The following FMNL1 variants were observed in gnomAD, a reference collection of about 807,000 sequenced individuals.
The protein encoded by FMNL1 is formin-like protein 1.
A neutral mutation model predicts 121.3 loss-of-function variants in FMNL1; 43 were observed. That is an observed-to-expected ratio of 0.35 (90% CI 0.28 to 0.46). FMNL1 has a LOEUF of 0.46. Ranked by LOEUF, FMNL1 falls within the 20% of genes least tolerant of loss-of-function variation. The pLI, the probability that FMNL1 is intolerant of heterozygous loss-of-function variation, is 1.00. For missense variants in FMNL1, 1,191 were observed against 1,482.4 expected, an observed-to-expected ratio of 0.80 and a Z score of 3.23; for synonymous variants, 613 against 613.5, an observed-to-expected ratio of 1.00 and a Z score of 0.01.
intron 1 of FMNL1, among the ~76,000 whole-genome samples, chr17:45,229,735 CT>C (rs1206621012): frequency 6.6e-5 from 10 of 152,304 alleles, no homozygotes; most frequent in Middle Eastern, 3.4e-3. Context: ...TGGCGCTAAC[CT>C]GCTCCGTGGT....
rs775532124 is a variant in FMNL1, at chr17:45,244,029, T to TGGGCGGAGCGGGCA, written c.2448+11_2448+24dup. 21 of 1,605,150 alleles carry TGGGCGGAGCGGGCA rather than the reference T, an allele frequency of 1.3e-5. No homozygotes were observed. Among genetic ancestry groups the TGGGCGGAGCGGGCA allele is most frequent in the Middle Eastern group, 3.3e-4 (2 of 6,054 alleles). ...CACAGCCCAGCTGCTCATGCCGGTGTGGGCGGAGCGGGCAGGGCGGTGTGA... is the reference window on the plus strand; with the variant it reads ...CACAGCCCAGCTGCTCATGCCGGTGTGGGCGGAGCGGGCAGGGCGGAGCGGGCAGGGCGGTGTGA... On this transcript the variant is annotated splice_donor_region_variant and intron_variant, in intron 18 of 26. Transcript: ENST00000331495.
chr17:45,244,080 A>G (rs2043772309), intron 18 of FMNL1, 55 bp downstream of exon 18: 1 of 1,600,036 alleles, frequency 6.2e-7, no homozygotes, highest in African/African-American at 1.3e-5. Flanking sequence ...GCAGGAGGCA[A>G]CTCCCAGCCT....
Position 45,244,875 on chromosome 17 carries a change from C to T in FMNL1, c.2574C>T (p.Gly858=), listed in dbSNP as rs573137751. The T allele has an allele frequency of 1.2e-6, 2 of 1,613,918 alleles. No individual in the cohort carries two copies. Among genetic ancestry groups the T allele is most frequent in the East Asian group, 4.5e-5 (2 of 44,890 alleles). ...MNSSKRGAAY[G]FRLQSLDALL... ...GTAGCAAGCGTGGGGCAGCCTATGG[C>T]TTCCGGCTCCAGAGCCTGGATGCGG... Residue 858 remains glycine (G), a synonymous_variant, in exon 20 of 27, where the codon GGC becomes GGT. Coordinates refer to ENST00000331495, the MANE Select transcript of FMNL1 (RefSeq NM_005892.4).
At chr17:45,223,791 G>A (rs1024128534) in intron 1 of FMNL1, among the ~76,000 whole-genome samples, 2 of 152,200 alleles carry the variant, frequency 1.3e-5, no homozygotes, top group African/African-American at 4.8e-5. Context: ...GTCTATGGTC[G>A]CGGGTGTGGG....
intron 6 of FMNL1, 107 bp downstream of exon 6, chr17:45,234,307 C>T: frequency 6.3e-7 from 1 of 1,577,682 alleles, no homozygotes; most frequent in Non-Finnish European, 8.6e-7. Context: ...AGAGGGGTAG[C>T]CATGCATTAG....
intron 1 of FMNL1, among the ~76,000 whole-genome samples, chr17:45,228,633 A>G (rs2043377256): frequency 1.3e-5 from 2 of 152,230 alleles, no homozygotes; most frequent in Admixed American, 1.3e-4. Flanking sequence ...CTTGCACAGT[A>G]GGCATTCTGG....
chr17:45,239,950 C>T (rs549936466), intron 11 of FMNL1, among the ~76,000 whole-genome samples: 134 of 152,274 alleles, frequency 8.8e-4, no homozygotes, highest in Admixed American at 2.2e-3. Flanking sequence ...CCACCACACT[C>T]GGTTAATTTT....
rs930571371 is a variant in FMNL1, at chr17:45,243,099, C to T, written c.2011-19C>T. The T allele has an allele frequency of 1.2e-6, 2 of 1,613,676 alleles. No individual in the cohort carries two copies. The highest frequency in any genetic ancestry group is 2.7e-5 in the African/African-American group (2 of 74,934). ...ACCCCAGCCCCACCCAGCTCCGCCT[C>T]CTCACCCTGTACCTTCAGGAGCTAG... On this transcript the variant is annotated intron_variant, in intron 16 of 26. Coordinates refer to ENST00000331495, the MANE Select transcript of FMNL1 (RefSeq NM_005892.4).
Position 45,247,049 on chromosome 17 carries a change from C to T in FMNL1, c.*191C>T, listed in dbSNP as rs976822216. 2 of 636,006 alleles carry T rather than the reference C, an allele frequency of 3.1e-6. No individual in the cohort carries two copies. Among genetic ancestry groups the T allele is most frequent in the Non-Finnish European group, 5.8e-6 (2 of 345,084 alleles). 39.4% of individuals were successfully genotyped at this position (636,006 alleles called of 1,614,324 possible). On this transcript the variant is annotated 3_prime_UTR_variant, in exon 27 of 27. Coordinates refer to ENST00000331495, the MANE Select transcript of FMNL1 (RefSeq NM_005892.4). Reference sequence around the variant, plus strand: ...GGCTCAAGGAAGGTGGTCCTCAGCTCGGCTGGCCGGGCAGCCCCTCCTCCG... The same window carrying T: ...GGCTCAAGGAAGGTGGTCCTCAGCTTGGCTGGCCGGGCAGCCCCTCCTCCG...
intron 2 of FMNL1, 51 bp from the exon 3 acceptor site, chr17:45,232,316 C>T (rs1312450872): frequency 1.3e-6 from 2 of 1,548,564 alleles, no homozygotes; most frequent in Middle Eastern, 1.9e-4. Context: ...TGGTCATTTG[C>T]CCTGGGGTAG....
At chr17:45,234,318 G>A in intron 6 of FMNL1, 118 bp downstream of exon 6, 3 of 1,544,378 alleles carry the variant, frequency 1.9e-6, no homozygotes, top group Non-Finnish European at 2.6e-6. Context: ...CATGCATTAG[G>A]GGTCCGAGTA....
chr17:45,246,061 T>C, intron 24 of FMNL1, 88 bp downstream of exon 24: 1 of 1,523,068 alleles, frequency 6.6e-7, no homozygotes, highest in Non-Finnish European at 8.8e-7. Flanking sequence ...ACCCTCACTG[T>C]TACAGACTGA....
intron 6 of FMNL1, among the ~76,000 whole-genome samples, chr17:45,235,663 C>T (rs1409696057): frequency 6.6e-6 from 1 of 152,176 alleles, no homozygotes; most frequent in Non-Finnish European, 1.5e-5. Flanking sequence ...ATTCCATAGT[C>T]CCAACAACCC....
In FMNL1 at chr17:45,238,581, C is replaced by T. The variant is rs141135994; in HGVS notation, c.912C>T (p.His304=). ...TTACCCAGGTGTGTGGGGAGCAGCA[C>T]CGCTTTGAAAAGCTGATGGAATATT... The part of the protein sequence containing the change: ...DNFKEVCGEQ[H]RFEKLMEYFR... Residue 304 remains histidine (H), a synonymous_variant, in exon 10 of 27, where the codon CAC becomes CAT. Transcript: ENST00000331495. The T allele has an allele frequency of 6.8e-6, 11 of 1,614,204 alleles. No individual in the cohort carries two copies. The African/African-American group carries it at 1.2e-4, about 18-fold the overall frequency.
rs138098328 is a variant in FMNL1 at position 45,224,884 on chromosome 17, C to T, written c.129+2631C>T. Among the ~76,000 whole-genome samples the T allele has an allele frequency of 4.7e-3, 717 of 152,348 alleles. 7 individuals carry two copies. Among genetic ancestry groups the T allele is most frequent in the African/African-American group, 0.016 (672 of 41,568 alleles). On this transcript the variant is annotated intron_variant, in intron 1 of 26. Coordinates refer to ENST00000331495, the MANE Select transcript of FMNL1 (RefSeq NM_005892.4). ...CTGTGATGGTGGGAACACCAGCCAG[C>T]GGGGCGCCAAGCTCTCGCCTCTCCT...
chr17:45,232,847 G>A (rs1006176540), intron 3 of FMNL1: 1 of 554,986 alleles, frequency 1.8e-6, no homozygotes, highest in African/African-American at 1.9e-5. Context: ...GAGAGAATGT[G>A]TGTGTGTGTG....
intron 7 of FMNL1, among the ~76,000 whole-genome samples, chr17:45,236,947 A>G (rs1049643231): frequency 4.6e-5 from 7 of 151,326 alleles, no homozygotes; most frequent in South Asian, 2.1e-4. Context: ...CCCCGTCTCT[A>G]CTGAAAAAAA....
At position 45,233,729 on chromosome 17, in the gene FMNL1, C is replaced by G; in HGVS notation, c.483C>G (p.Val161=). 6.2e-7 allele frequency: 1 copy of G among 1,613,870 alleles called. No homozygotes were observed. Among genetic ancestry groups the G allele is most frequent in the South Asian group, 1.1e-5 (1 of 91,076 alleles). The change falls in exon 5 of 27, where the codon GTC becomes GTG. Residue 161 remains valine, a splice_region_variant and synonymous_variant. Transcript: ENST00000331495. This position sits in a 1 kb window ranked among gnomAD's most constrained non-coding sequence, Gnocchi z 4.1. ...LEYLAFAQCS[V]TYDMESTDNG... ...ACCTGGCCTTTGCCCAGTGCTCTGT[C>G]ACGTAAGCCCCCTGCTCCCAGCCCT...
chr17:45,239,139 G>A (rs2043623032), intron 11 of FMNL1, 74 bp downstream of exon 11: 1 of 1,296,272 alleles, frequency 7.7e-7, no homozygotes, highest in African/African-American at 1.5e-5. Flanking sequence ...AGCAGCATGA[G>A]TGCTGGGGTC....
Sources: allele counts gnomAD v4.1 joint callset (sites outside exome capture counted in the v4.1 genomes callset), GRCh38; gene constraint gnomAD v4.1.1; non-coding constraint Gnocchi (gnomAD v3.1); transcripts MANE v1.5; gene names NCBI Gene and HGNC (gene_info 2026-07-23, HGNC 2026-07-21).